The following ALDH8A1 variants were observed in gnomAD, a reference collection of about 807,000 sequenced individuals.
ALDH8A1 encodes the protein aldehyde dehydrogenase 8 family member A1.
A neutral mutation model predicts 43.3 loss-of-function variants in ALDH8A1; 39 were observed. The observed-to-expected ratio is 0.90, with a 90% CI of 0.70 to 1.18. The LOEUF (loss-of-function observed/expected upper bound fraction) is 1.18. ALDH8A1 is among the 50% of genes most tolerant of loss of function. The pLI, the probability that ALDH8A1 is intolerant of heterozygous loss-of-function variation, is 0.00. For synonymous variants in ALDH8A1, 233 were observed against 243.5 expected, an observed-to-expected ratio of 0.96 and a Z score of 0.40; for missense variants, 605 against 622.6, an observed-to-expected ratio of 0.97 and a Z score of 0.30.
At chr6:134,933,131 G>T (rs1017376825) in intron 4 of ALDH8A1, 99 bp from the exon 5 acceptor site, 41 of 1,350,438 alleles carry the variant, frequency 3.0e-5, no homozygotes, top group Non-Finnish European at 3.9e-5. Context: ...TTGAATGGGA[G>T]TGGGTAGGGA....
intron 4 of ALDH8A1, among the ~76,000 whole-genome samples, chr6:134,937,648 C>T (rs370800926): frequency 3.9e-5 from 6 of 152,324 alleles, no homozygotes; most frequent in Admixed American, 2.0e-4. Flanking sequence ...CACGGCTCTG[C>T]ACGCCACCCC....
At chr6:134,930,906 A>G (rs1776974687) in intron 5 of ALDH8A1, among the ~76,000 whole-genome samples, 1 of 152,206 alleles carries the variant, frequency 6.6e-6, no homozygotes, top group African/African-American at 2.4e-5. Context: ...CCTCATTATA[A>G]ATAATTCTGT....
chr6:134,920,574 C>T (rs1451851898), intron 6 of ALDH8A1, among the ~76,000 whole-genome samples: 1 of 152,096 alleles, frequency 6.6e-6, no homozygotes, highest in Non-Finnish European at 1.5e-5. Flanking sequence ...CTCTCAGAAG[C>T]TCTTGGAATC....
chr6:134,943,953 AC>A lies in ALDH8A1; in HGVS notation c.151del (p.Val51SerfsTer23). ...NSGKDEIEAA[V>X]KAAREAFPSW... ...GGGAAAGGCTTCTCTGGCGGCCTTG[AC>A]CGCGGCTTCGATCTTTGAGGAGCAA... On this transcript the variant is annotated frameshift_variant, in exon 2 of 7. Coordinates refer to ENST00000265605, the MANE Select transcript of ALDH8A1 (RefSeq NM_022568.4). LOFTEE classifies it high-confidence loss of function. 1 of 1,614,000 alleles carries A rather than the reference AC, an allele frequency of 6.2e-7. No homozygotes were observed. The highest frequency in any genetic ancestry group is 8.5e-7 in the Non-Finnish European group (1 of 1,179,924).
At position 134,948,379 on chromosome 6, in the gene ALDH8A1, G is replaced by T. The variant is rs183145063; in HGVS notation, c.138+1537C>A. ...TCACAATAGTTAGAAGAAAAGATTT[G>T]GAATGTTCCCAACACCAAGAAATGA... On this transcript the variant is annotated intron_variant, in intron 1 of 6. Coordinates refer to ENST00000265605, the MANE Select transcript of ALDH8A1 (RefSeq NM_022568.4). Among the ~76,000 whole-genome samples, 488 of 152,156 alleles carry T rather than the reference G, an allele frequency of 3.2e-3. 1 individual carries two copies. The highest frequency in any genetic ancestry group is 0.011 in the African/African-American group (460 of 41,522).
intron 6 of ALDH8A1, 134 bp from the exon 7 acceptor site, chr6:134,919,001 T>A: frequency 9.6e-7 from 1 of 1,045,202 alleles, no homozygotes; most frequent in Non-Finnish European, 1.4e-6. Context: ...GTCGATTATC[T>A]TATCACTCAG....
In ALDH8A1 at chr6:134,925,373, T is replaced by C. The variant is rs1776866633; in HGVS notation, c.1011+3681A>G. On this transcript the variant is annotated intron_variant, in intron 6 of 6. Coordinates refer to ENST00000265605, the MANE Select transcript of ALDH8A1 (RefSeq NM_022568.4). ...TCCAGGCTCGGATGGTTTCAAGCGTTTTCTTGGAGAAAGGCTGGGTTTTAG... is the reference window on the plus strand; with the variant it reads ...TCCAGGCTCGGATGGTTTCAAGCGTCTTCTTGGAGAAAGGCTGGGTTTTAG... Among the ~76,000 whole-genome samples the C allele has an allele frequency of 3.3e-5, 5 of 152,334 alleles. No homozygotes were observed. In the South Asian group the frequency reaches 1.0e-3, roughly 32 times the overall value.
intron 1 of ALDH8A1, chr6:134,944,260 G>T (rs989226956): frequency 2.2e-5 from 6 of 274,682 alleles, no homozygotes; most frequent in African/African-American, 1.3e-4. Context: ...GTAGAAAGGG[G>T]GTTTCACCAT....
At chr6:134,943,674 G>T in intron 2 of ALDH8A1, 145 bp downstream of exon 2, 1 of 1,279,510 alleles carries the variant, frequency 7.8e-7, no homozygotes, top group African/African-American at 1.5e-5. Flanking sequence ...GCCTTCCCAG[G>T]CCTGGAGCAG....
Position 134,943,922 on chromosome 6 carries a change from C to T in ALDH8A1, c.183G>A (p.Trp61Ter), listed in dbSNP as rs762113754. 6.2e-7 allele frequency: 1 copy of T among 1,614,176 alleles called. No homozygotes were observed. The highest frequency in any genetic ancestry group is 1.6e-4 in the Middle Eastern group (1 of 6,062). ...VKAAREAFPSWSSRSPQERSR... is the reference protein window; with the variant it reads ...VKAAREAFPS ...AGCGCTCCTGGGGGCTGCGGGATGA[C>T]CAGCTGGGAAAGGCTTCTCTGGCGG... The change falls in exon 2 of 7, where the codon TGG (tryptophan) becomes TGA (stop). Residue 61 changes from tryptophan (W) to a stop codon, truncating the protein, a stop_gained. Transcript: ENST00000265605. LOFTEE classifies it high-confidence loss of function.
intron 1 of ALDH8A1, among the ~76,000 whole-genome samples, chr6:134,947,320 AG>A (rs1198910904): frequency 6.6e-6 from 1 of 152,232 alleles, no homozygotes; most frequent in Admixed American, 6.5e-5. Flanking sequence ...ATTTGGGCAA[AG>A]ATTTTTTTGG....
intron 3 of ALDH8A1, 76 bp from the exon 4 acceptor site, chr6:134,939,491 C>T (rs1010334716): frequency 4.7e-5 from 71 of 1,500,960 alleles, no homozygotes; most frequent in South Asian, 1.5e-4. Flanking sequence ...GGGTTATTAA[C>T]GCAAAACTCC....
Position 134,918,750 on chromosome 6 carries a change from C to T in ALDH8A1, c.1129G>A (p.Val377Met). 1 of 1,614,188 alleles carries T rather than the reference C, an allele frequency of 6.2e-7. No individual in the cohort carries two copies. The highest frequency in any genetic ancestry group is 8.5e-7 in the Non-Finnish European group (1 of 1,180,032). The change falls in exon 7 of 7, where the codon GTG (valine) becomes ATG (methionine). Residue 377 changes from valine (V) to methionine (M), a missense_variant. By Grantham distance (21) the Val-to-Met change is conservative (BLOSUM62 1). Coordinates refer to ENST00000265605, the MANE Select transcript of ALDH8A1 (RefSeq NM_022568.4). ...GATTCATCCTTAATGTCTGTTATCACCGTGGGAAGCATAAAGTAGCCTGCC... is the reference window on the plus strand; with the variant it reads ...GATTCATCCTTAATGTCTGTTATCATCGTGGGAAGCATAAAGTAGCCTGCC... ...NQAGYFMLPT[V>M]ITDIKDESCC...
intron 6 of ALDH8A1, among the ~76,000 whole-genome samples, chr6:134,921,782 C>T (rs983236561): frequency 6.6e-6 from 1 of 152,214 alleles, no homozygotes; most frequent in Non-Finnish European, 1.5e-5. Context: ...TTCCTGGGCA[C>T]TCAGCCCCAA....
chr6:134,942,409 C>T lies in ALDH8A1; in HGVS notation c.442G>A (p.Ala148Thr), dbSNP rs372728487. The change falls in exon 3 of 7, where the codon GCT becomes ACT. Residue 148 changes from alanine to threonine, a missense_variant and splice_region_variant. By Grantham distance (58) the Ala-to-Thr change is moderately conservative (BLOSUM62 0). Coordinates refer to ENST00000265605, the MANE Select transcript of ALDH8A1 (RefSeq NM_022568.4). ...HYTVRAPVGV[A>T]GLISPWNLPL... ...TGGGCTCTCACTGAACAGCACTCAC[C>T]GACTCCCACCGGGGCCCGCACCGTG... The T allele has an allele frequency of 4.5e-5, 73 of 1,605,686 alleles. No individual in the cohort carries two copies. The highest frequency in any genetic ancestry group is 5.6e-5 in the Non-Finnish European group (66 of 1,174,586).
intron 6 of ALDH8A1, among the ~76,000 whole-genome samples, chr6:134,921,849 C>T (rs937239178): frequency 3.3e-5 from 5 of 152,316 alleles, no homozygotes; most frequent in Non-Finnish European, 5.9e-5. Context: ...TCCACTGCCT[C>T]CTCCAGCCCA....
intron 6 of ALDH8A1, among the ~76,000 whole-genome samples, chr6:134,925,716 T>C (rs1776871078): frequency 6.6e-6 from 1 of 152,104 alleles, no homozygotes; most frequent in Non-Finnish European, 1.5e-5. Flanking sequence ...AGGGATAAGA[T>C]ACATATATTG....
chr6:134,945,159 T>A (rs1454429167), intron 1 of ALDH8A1, among the ~76,000 whole-genome samples: 1 of 152,156 alleles, frequency 6.6e-6, no homozygotes, highest in East Asian at 1.9e-4. Flanking sequence ...CACAAATTAT[T>A]TTTATTTAAG....
At chr6:134,943,661 C>T (rs557957978) in intron 2 of ALDH8A1, among the ~76,000 whole-genome samples, 158 bp downstream of exon 2, 1 of 152,362 alleles carries the variant, frequency 6.6e-6, no homozygotes, top group South Asian at 2.1e-4. Context: ...GCCACAAGTC[C>T]TGGCCTTCCC....
Sources: gnomAD v4.1 joint callset for allele counts (sites outside exome capture counted in the v4.1 genomes callset) on GRCh38, gnomAD v4.1.1 for gene constraint, MANE v1.5 for transcripts, NCBI Gene and HGNC (gene_info 2026-07-23, HGNC 2026-07-21) for gene names.